The following CYP2J2 variants were observed in gnomAD, a reference collection of about 807,000 sequenced individuals.
CYP2J2 encodes the protein cytochrome P450 family 2 subfamily J member 2, also known as cytochrome P450 2J2.
Under a neutral mutation model 48.8 loss-of-function variants are expected in CYP2J2, and 41 were observed. The observed-to-expected ratio is 0.84, with a 90% CI of 0.66 to 1.09. The LOEUF (loss-of-function observed/expected upper bound fraction) is 1.09. CYP2J2 is among the 50% of genes least tolerant of loss of function. The probability of loss-of-function intolerance (pLI) is 0.00; values close to 1 mark genes in which losing one functional copy is unlikely to be tolerated. For missense variants in CYP2J2, 644 were observed against 617.3 expected, an observed-to-expected ratio of 1.04 and a Z score of -0.46; for synonymous variants, 221 against 227.1, an observed-to-expected ratio of 0.97 and a Z score of 0.24.
In CYP2J2 at chr1:59,900,949, G is replaced by C; in HGVS notation, c.1330+16C>G. 6.2e-7 allele frequency: 1 copy of C among 1,612,398 alleles called. No individual in the cohort carries two copies. The highest frequency in any genetic ancestry group is 8.5e-7 in the Non-Finnish European group (1 of 1,178,584). On this transcript the variant is annotated intron_variant, in intron 8 of 8. Coordinates refer to ENST00000371204, the MANE Select transcript of CYP2J2 (RefSeq NM_000775.4). ...AGGGGCCCTGGACTCCCACACACCT[G>C]TTTACTACAACTTACCTATTGAGAA...
At chr1:59,940,072 C>G in the CYP2J2 span, among the ~76,000 whole-genome samples, 63 of 152,296 alleles carry the variant, frequency 4.1e-4, no homozygotes, top group African/African-American at 1.5e-3. Flanking sequence ...TGCTCTACCC[C>G]CTGCGGCAGA....
chr1:59,904,655 C>T, intron 7 of CYP2J2: 1 of 510,744 alleles, frequency 2.0e-6, no homozygotes. Context: ...CAGTCTTTAT[C>T]TAAACATATT....
At position 59,912,155 on chromosome 1, in the gene CYP2J2, T is replaced by C. The variant is rs376755852; in HGVS notation, c.523+7A>G. On this transcript the variant is annotated splice_region_variant and intron_variant, in intron 3 of 8. Coordinates refer to ENST00000371204, the MANE Select transcript of CYP2J2 (RefSeq NM_000775.4). Reference sequence around the variant, plus strand: ...AGTCTCTCACCTCTGTCATATGCAATGCTCACCGTTCTCCTCTTTTATTGC... The same window carrying C: ...AGTCTCTCACCTCTGTCATATGCAACGCTCACCGTTCTCCTCTTTTATTGC... 70 of 1,610,830 alleles carry C rather than the reference T, an allele frequency of 4.3e-5. No individual in the cohort carries two copies. The highest frequency in any genetic ancestry group is 5.3e-5 in the Non-Finnish European group (62 of 1,178,556).
At chr1:59,936,377 C>T in the CYP2J2 span, among the ~76,000 whole-genome samples, 7 of 152,260 alleles carry the variant, frequency 4.6e-5, no homozygotes, top group South Asian at 2.1e-4. Flanking sequence ...CTGCGTCACA[C>T]GTGAACACCT....
chr1:59,965,672 GAC>G, the CYP2J2 span, among the ~76,000 whole-genome samples: 3 of 151,980 alleles, frequency 2.0e-5, no homozygotes, highest in African/African-American at 7.3e-5. Context: ...TTGTTTTTGA[GAC>G]AGAGTCTCAC....
In CYP2J2 at chr1:59,893,763, A is replaced by G. The variant is rs775432386; in HGVS notation, c.1397T>C (p.Met466Thr). Residue 466 changes from methionine to threonine, a missense_variant, in exon 9 of 9, where the codon ATG becomes ACG. Transcript: ENST00000371204. ...TELFIFFTSL[M>T]QKFTFRPPNN... Reference sequence around the variant, plus strand: ...TGGGGGCCTGAAGGTAAATTTTTGCATAAGGGAAGTGAAGAAAATAAACAG... The same window carrying G: ...TGGGGGCCTGAAGGTAAATTTTTGCGTAAGGGAAGTGAAGAAAATAAACAG... The G allele has an allele frequency of 1.2e-6, 2 of 1,613,528 alleles. No individual in the cohort carries two copies. Among genetic ancestry groups the G allele is most frequent in the East Asian group, 2.2e-5 (1 of 44,884 alleles).
chr1:59,911,577 G>T, intron 4 of CYP2J2, 31 bp downstream of exon 4: 2 of 1,501,838 alleles, frequency 1.3e-6, no homozygotes, highest in East Asian at 2.4e-5. Flanking sequence ...CCAATTTACT[G>T]AACAAAGATA....
chr1:59,893,887 A>G, intron 8 of CYP2J2, 58 bp from the exon 9 acceptor site: 1 of 1,513,198 alleles, frequency 6.6e-7, no homozygotes, highest in South Asian at 1.4e-5. Context: ...TGCCTAGCAG[A>G]GATTGCTATC....
chr1:59,926,828 C>T, upstream of CYP2J2: 2 of 1,322,328 alleles, frequency 1.5e-6, no homozygotes, highest in Non-Finnish European at 1.1e-6. Flanking sequence ...GCCTCGCTCC[C>T]AGCCGTGCCC....
the CYP2J2 span, among the ~76,000 whole-genome samples, chr1:59,935,031 T>TATATATATATAC: frequency 9.8e-6 from 1 of 102,500 alleles, no homozygotes; most frequent in South Asian, 2.8e-4. Context: ...TATATATATA[T>TATATATATATAC]ATATATATAT....
At chr1:59,944,253 C>T in the CYP2J2 span, among the ~76,000 whole-genome samples, 1 of 152,200 alleles carries the variant, frequency 6.6e-6, no homozygotes. Context: ...GACAGGGTCT[C>T]ACTTTGTCAC....
chr1:59,899,662 A>G (rs1644300054), intron 8 of CYP2J2, among the ~76,000 whole-genome samples: 1 of 152,268 alleles, frequency 6.6e-6, no homozygotes, highest in Non-Finnish European at 1.5e-5. Flanking sequence ...TCTGGTTGAC[A>G]TTGATCCTAC....
intron 1 of CYP2J2, among the ~76,000 whole-genome samples, chr1:59,916,348 A>T (rs1291713172): frequency 1.3e-5 from 2 of 152,138 alleles, no homozygotes; most frequent in African/African-American, 4.8e-5. Flanking sequence ...GTTTCTTTAT[A>T]AATATCTATT....
the CYP2J2 span, among the ~76,000 whole-genome samples, chr1:59,934,937 A>C: frequency 4.9e-5 from 7 of 142,796 alleles, no homozygotes; most frequent in African/African-American, 1.8e-4. Context: ...AACAGCCAAG[A>C]TATAGAAACA....
the CYP2J2 span, among the ~76,000 whole-genome samples, chr1:59,935,956 A>G: frequency 6.6e-6 from 1 of 152,092 alleles, no homozygotes. Flanking sequence ...TTGTGTTTTT[A>G]GTACAAAAAA....
chr1:59,960,402 C>A, the CYP2J2 span, among the ~76,000 whole-genome samples: 1 of 152,264 alleles, frequency 6.6e-6, no homozygotes, highest in African/African-American at 2.4e-5. Flanking sequence ...AGTGTTAATT[C>A]CACGGCACTT....
At chr1:59,894,049 G>A (rs1475256020) in intron 8 of CYP2J2, among the ~76,000 whole-genome samples, 1 of 152,118 alleles carries the variant, frequency 6.6e-6, no homozygotes, top group Non-Finnish European at 1.5e-5. Flanking sequence ...TGCCATCAGG[G>A]GTCCGGCAGG....
intron 8 of CYP2J2, among the ~76,000 whole-genome samples, chr1:59,894,837 T>C (rs949512970): frequency 1.3e-5 from 2 of 152,212 alleles, no homozygotes; most frequent in African/African-American, 4.8e-5. Flanking sequence ...GAATACAATT[T>C]AAAAGATGAC....
chr1:59,968,129 G>A, the CYP2J2 span, among the ~76,000 whole-genome samples: 5 of 152,166 alleles, frequency 3.3e-5, no homozygotes, highest in Non-Finnish European at 5.9e-5. Flanking sequence ...ATCTGAATTG[G>A]CTTATTTGAA....
Sources: gnomAD v4.1 joint callset for allele counts (sites outside exome capture counted in the v4.1 genomes callset) on GRCh38, gnomAD v4.1.1 for gene constraint, MANE v1.5 for transcripts, NCBI Gene and HGNC (gene_info 2026-07-23, HGNC 2026-07-21) for gene names.